Variants in TRHR observed in about 807,000 individuals in gnomAD.
TRHR encodes the protein thyrotropin-releasing hormone receptor.
A neutral mutation model predicts 28.0 loss-of-function variants in TRHR; 14 were observed. That is an observed-to-expected ratio of 0.50 (90% CI 0.33 to 0.78). TRHR has a LOEUF of 0.78. Among genes scored for constraint, TRHR ranks in the 30% least tolerant of loss-of-function variants. The probability of loss-of-function intolerance (pLI) is 0.02; values close to 1 mark genes in which losing one functional copy is unlikely to be tolerated. For synonymous variants in TRHR, 176 were observed against 171.9 expected, an observed-to-expected ratio of 1.02 and a Z score of -0.18; for missense variants, 438 against 469.5, an observed-to-expected ratio of 0.93 and a Z score of 0.62.
intron 2 of TRHR, among the ~76,000 whole-genome samples, chr8:109,101,453 T>C (rs1366554957): frequency 6.6e-6 from 1 of 152,132 alleles, no homozygotes; most frequent in Non-Finnish European, 1.5e-5. Context: ...CAAGTTAACT[T>C]ACAACCTTGA....
At position 109,107,128 on chromosome 8, in the gene TRHR, A is replaced by G. The variant is rs558602133; in HGVS notation, c.790-11920A>G. On this transcript the variant is annotated intron_variant, in intron 2 of 2. Transcript: ENST00000518632. ...GAATACCTGCCTCAGAAATACGATA[A>G]AAGTTAAATAATTCAATAAAGTCCC... Among the ~76,000 whole-genome samples the G allele has an allele frequency of 4.6e-5, 7 of 152,306 alleles. No homozygotes were observed. The East Asian group carries it at 1.3e-3, about 29-fold the overall frequency.
At chr8:109,094,356 A>T (rs1371233463) in intron 2 of TRHR, among the ~76,000 whole-genome samples, 1 of 151,998 alleles carries the variant, frequency 6.6e-6, no homozygotes, top group Non-Finnish European at 1.5e-5. Context: ...AGTTCAAGAA[A>T]TCATCCTGCT....
chr8:109,119,051 A>C lies in TRHR; in HGVS notation c.793A>C (p.Thr265Pro), dbSNP rs770502116. ...NSTVSSRKQV[T>P]KMLAVVVILF... ...ATTTCTCTCTATTTCTCCCTAGGTC[A>C]CCAAGATGCTGGCAGTGGTTGTAAT... The change falls in exon 3 of 3, where the codon ACC becomes CCC. Residue 265 changes from threonine (T) to proline (P), a missense_variant. By Grantham distance (38) the Thr-to-Pro change is conservative (BLOSUM62 -1). Coordinates refer to ENST00000518632, the MANE Select transcript of TRHR (RefSeq NM_003301.7). The C allele has an allele frequency of 5.0e-6, 8 of 1,612,560 alleles. No individual in the cohort carries two copies. Among genetic ancestry groups the C allele is most frequent in the Non-Finnish European group, 6.8e-6 (8 of 1,178,998 alleles).
Position 109,120,121 on chromosome 8 carries a change from A to G in TRHR, c.*666A>G, listed in dbSNP as rs113862647. 7.2e-4 allele frequency among the ~76,000 whole-genome samples: 110 copies of G among 151,948 alleles called. 1 individual carries two copies. The highest frequency in any genetic ancestry group is 1.3e-3 in the Non-Finnish European group (86 of 67,856). ...AACCTCAAAATATCTGAAATTATTA[A>G]TTAAGGAGAAATGTAGATTTTAAGA... On this transcript the variant is annotated 3_prime_UTR_variant, in exon 3 of 3. Transcript: ENST00000518632.
At chr8:109,104,822 T>A (rs1811725538) in intron 2 of TRHR, among the ~76,000 whole-genome samples, 1 of 152,072 alleles carries the variant, frequency 6.6e-6, no homozygotes, top group East Asian at 1.9e-4. Context: ...ATTCTTCAGT[T>A]AATATCACAT....
At chr8:109,100,803 G>A (rs1036010963) in intron 2 of TRHR, among the ~76,000 whole-genome samples, 2 of 152,150 alleles carry the variant, frequency 1.3e-5, no homozygotes, top group African/African-American at 2.4e-5. Context: ...CTGGAAAGGA[G>A]CACTCTTAAG....
intron 2 of TRHR, among the ~76,000 whole-genome samples, chr8:109,094,910 A>G (rs1296994560): frequency 6.6e-6 from 1 of 152,068 alleles, no homozygotes; most frequent in Admixed American, 6.5e-5. Flanking sequence ...ACTTCTTTAC[A>G]TAGTCTCTCA....
chr8:109,111,970 A>G (rs1811841360), intron 2 of TRHR, among the ~76,000 whole-genome samples: 1 of 152,190 alleles, frequency 6.6e-6, no homozygotes, highest in Non-Finnish European at 1.5e-5. Context: ...CATCTGGTAT[A>G]TGACTTTGCT....
At chr8:109,102,573 G>A (rs1213539667) in intron 2 of TRHR, among the ~76,000 whole-genome samples, 1 of 152,088 alleles carries the variant, frequency 6.6e-6, no homozygotes, top group African/African-American at 2.4e-5. Context: ...GATCATGGTT[G>A]CAGATTAATT....
intron 2 of TRHR, among the ~76,000 whole-genome samples, chr8:109,115,634 T>C (rs1393863257): frequency 6.6e-6 from 1 of 152,160 alleles, no homozygotes; most frequent in East Asian, 1.9e-4. Context: ...TAAGAATGCT[T>C]GTGATTTTTG....
chr8:109,110,853 G>A (rs1811822061), intron 2 of TRHR, among the ~76,000 whole-genome samples: 1 of 152,210 alleles, frequency 6.6e-6, no homozygotes, highest in Non-Finnish European at 1.5e-5. Context: ...GATTATAACT[G>A]TCTTTTAAAA....
intron 2 of TRHR, among the ~76,000 whole-genome samples, chr8:109,099,504 G>A (rs969831170): frequency 1.3e-5 from 2 of 152,190 alleles, no homozygotes; most frequent in African/African-American, 2.4e-5. Flanking sequence ...AATTAAAAGA[G>A]TAAGTGGATT....
At position 109,088,182 on chromosome 8, in the gene TRHR, C is replaced by G; in HGVS notation, c.670C>G (p.Pro224Ala). 6.2e-7 allele frequency: 1 copy of G among 1,614,084 alleles called. No homozygotes were observed. ...IARILFLNPI[P>A]SDPKENSKTW... ...TAGAATCCTTTTCTTAAATCCCATT[C>G]CTTCAGATCCTAAAGAAAACTCTAA... The change falls in exon 2 of 3, where the codon CCT becomes GCT. Residue 224 changes from proline (P) to alanine (A), a missense_variant. Transcript: ENST00000518632.
chr8:109,097,286 G>A (rs1044406712), intron 2 of TRHR, among the ~76,000 whole-genome samples: 2 of 152,096 alleles, frequency 1.3e-5, no homozygotes, highest in African/African-American at 2.4e-5. Flanking sequence ...GTGCCCCTAG[G>A]TGACTAATTT....
intron 2 of TRHR, among the ~76,000 whole-genome samples, chr8:109,108,095 C>T (rs945468951): frequency 1.3e-5 from 2 of 152,122 alleles, no homozygotes; most frequent in Non-Finnish European, 2.9e-5. Context: ...CAGGCTGTCT[C>T]CCTCGGGAGA....
At chr8:109,095,718 G>A (rs1483671763) in intron 2 of TRHR, among the ~76,000 whole-genome samples, 7 of 152,078 alleles carry the variant, frequency 4.6e-5, no homozygotes, top group Non-Finnish European at 1.0e-4. Flanking sequence ...TAGGTCTAAA[G>A]CAAAACACAT....
chr8:109,118,985 G>T, intron 2 of TRHR, 63 bp from the exon 3 acceptor site: 1 of 1,604,262 alleles, frequency 6.2e-7, no homozygotes, highest in South Asian at 1.1e-5. Flanking sequence ...GGTGAGAGAA[G>T]AAAGGGGGTT....
intron 2 of TRHR, among the ~76,000 whole-genome samples, chr8:109,091,115 G>C (rs1586184425): frequency 6.6e-6 from 1 of 152,200 alleles, no homozygotes; most frequent in African/African-American, 2.4e-5. Flanking sequence ...TTTGAAGAGA[G>C]AGAGATTGGT....
chr8:109,101,349 GGAGA>G (rs1811674498), intron 2 of TRHR, among the ~76,000 whole-genome samples: 2 of 152,178 alleles, frequency 1.3e-5, no homozygotes, highest in Admixed American at 1.3e-4. Context: ...CTTGAACCAT[GGAGA>G]GAGAAAGTGG....
Sources: allele counts gnomAD v4.1 joint callset (sites outside exome capture counted in the v4.1 genomes callset), GRCh38; gene constraint gnomAD v4.1.1; transcripts MANE v1.5; gene names NCBI Gene and HGNC (gene_info 2026-07-23, HGNC 2026-07-21).